MYCBPAP: variants seen among roughly 807,000 people sequenced by gnomAD.
MYCBPAP encodes the protein MYCBP-associated protein.
MYCBPAP carries 60 observed loss-of-function variants against 106.1 expected under a neutral mutation model. That is an observed-to-expected ratio of 0.57 (90% CI 0.46 to 0.70). MYCBPAP has a LOEUF of 0.70. Ranked by LOEUF, MYCBPAP falls within the 30% of genes least tolerant of loss-of-function variation. MYCBPAP has a pLI of 0.00. For synonymous variants in MYCBPAP, 407 were observed against 440.6 expected, an observed-to-expected ratio of 0.92 and a Z score of 0.95; for missense variants, 1,064 against 1,169.3, an observed-to-expected ratio of 0.91 and a Z score of 1.31.
At chr17:50,508,875 A>T (rs2033716619) in intron 1 of MYCBPAP, 125 bp downstream of exon 1, 3 of 915,886 alleles carry the variant, frequency 3.3e-6, no homozygotes, top group Non-Finnish European at 5.3e-6. Context: ...ATCACGGGGA[A>T]GTGGGGTACT....
upstream of MYCBPAP, chr17:50,508,211 A>C (rs1370447614): frequency 2.6e-5 from 7 of 266,440 alleles, no homozygotes; most frequent in Admixed American, 1.2e-4. Context: ...TAGTCGAGGA[A>C]GGCGGGAAGC....
chr17:50,528,866 G>C (rs761696632), intron 17 of MYCBPAP, 26 bp downstream of exon 17: 2 of 1,611,844 alleles, frequency 1.2e-6, no homozygotes, highest in South Asian at 2.2e-5. Flanking sequence ...GTCTGGGCCA[G>C]GTGGGGCTGG....
At chr17:50,510,973 T>C (rs1567879714) in intron 1 of MYCBPAP, among the ~76,000 whole-genome samples, 1 of 152,084 alleles carries the variant, frequency 6.6e-6, no homozygotes, top group Non-Finnish European at 1.5e-5. Context: ...AAGGAAAGAT[T>C]TTTCACTGCA....
chr17:50,514,915 C>A (rs528532661), intron 1 of MYCBPAP: 1 of 454,180 alleles, frequency 2.2e-6, no homozygotes, highest in Non-Finnish European at 4.4e-6. Flanking sequence ...TCTTGCAACT[C>A]TTAATCCATT....
At chr17:50,523,406 A>G (rs2034349159) in intron 11 of MYCBPAP, among the ~76,000 whole-genome samples, 191 bp from the exon 12 acceptor site, 1 of 152,152 alleles carries the variant, frequency 6.6e-6, no homozygotes, top group African/African-American at 2.4e-5. Flanking sequence ...TAGGATGGCC[A>G]GCTGTCTCTG....
Position 50,519,792 on chromosome 17 carries a change from G to A in MYCBPAP, c.916+5G>A. The A allele has an allele frequency of 1.9e-6, 3 of 1,612,982 alleles. No individual in the cohort carries two copies. The highest frequency in any genetic ancestry group is 2.5e-6 in the Non-Finnish European group (3 of 1,179,630). On this transcript the variant is annotated splice_donor_5th_base_variant and intron_variant, in intron 7 of 18. Transcript: ENST00000323776. ...ACTCCATCCGGGTGGAGACAGGTGA[G>A]GCGCAGGGCTGTAAGCCAGCTAGCA...
At chr17:50,530,364 A>C in intron 18 of MYCBPAP, 1 of 258,554 alleles carries the variant, frequency 3.9e-6, no homozygotes, top group East Asian at 1.2e-4. Flanking sequence ...GCATGGTGAC[A>C]CTCACCTGTA....
intron 1 of MYCBPAP, among the ~76,000 whole-genome samples, chr17:50,515,647 G>A (rs937558953): frequency 3.3e-5 from 5 of 152,114 alleles, no homozygotes; most frequent in African/African-American, 9.7e-5. Context: ...TCAGGAAGCT[G>A]TATTCATAAA....
Position 50,529,059 on chromosome 17 carries a change from GAA to G in MYCBPAP, c.2597_2598del (p.Lys866SerfsTer18). 1 of 1,614,190 alleles carries G rather than the reference GAA, an allele frequency of 6.2e-7. No individual in the cohort carries two copies. The highest frequency in any genetic ancestry group is 1.1e-5 in the South Asian group (1 of 91,090). The stretch of plus-strand genomic sequence containing the variant: ...AGAAGCACAAGGCAAAGGATGACAA[GAA>G]AGTCATAAAATCTGCAAGTCAGGAC... ...SKKHKAKDDK[K>X]VIKSASQDRF... On this transcript the variant is annotated frameshift_variant, in exon 18 of 19. Transcript: ENST00000323776. LOFTEE classifies it high-confidence loss of function.
intron 1 of MYCBPAP, chr17:50,509,536 C>CTGTG (rs71353648): frequency 0.05 from 7,556 of 151,016 alleles, 231 homozygotes; most frequent in East Asian, 0.092. Context: ...CTTTTTTTTT[C>CTGTG]TGTGTGTGTG....
Position 50,514,150 on chromosome 17 carries a change from A to C in MYCBPAP, c.77-2420A>C, listed in dbSNP as rs35714029. ...GCAATCCTCCCATCTCGGCCTCTCA[A>C]AGTGTTGGGATTACAAGCGTAAGCC... On this transcript the variant is annotated intron_variant, in intron 1 of 18. Transcript: ENST00000323776. 3.9e-3 allele frequency among the ~76,000 whole-genome samples: 590 copies of C among 152,268 alleles called. 1 individual carries two copies. Among genetic ancestry groups the C allele is most frequent in the Non-Finnish European group, 6.2e-3 (419 of 68,020 alleles).
intron 1 of MYCBPAP, chr17:50,509,536 CTG>C (rs71353648): frequency 0.15 from 23,161 of 150,894 alleles, 2,137 homozygotes; most frequent in Non-Finnish European, 0.19. Flanking sequence ...CTTTTTTTTT[CTG>C]TGTGTGTGTG....
chr17:50,508,118 T>G (rs1044396544), upstream of MYCBPAP, among the ~76,000 whole-genome samples: 1 of 144,624 alleles, frequency 6.9e-6, no homozygotes, highest in African/African-American at 2.7e-5. Flanking sequence ...ACGAAGGGGT[T>G]TCAGCACGTC....
Position 50,521,975 on chromosome 17 carries a change from G to A in MYCBPAP, c.1151G>A (p.Gly384Asp), listed in dbSNP as rs774889037. 1.2e-6 allele frequency: 2 copies of A among 1,612,630 alleles called. No homozygotes were observed. Among genetic ancestry groups the A allele is most frequent in the Non-Finnish European group, 1.7e-6 (2 of 1,178,790 alleles). Residue 384 changes from glycine to aspartate, a missense_variant and splice_region_variant, in exon 10 of 19, where the codon GGC becomes GAC. By Grantham distance (94) the Gly-to-Asp change is moderately conservative. Transcript: ENST00000323776. The part of the protein sequence containing the change: ...GSSSEDTAYL[G>D]TLASSSDVSM... ...TAAGTCATTGGCTTTTCTTACAGAG[G>A]CACATTGGCCAGTTCCTCTGATGTC...
At position 50,519,787 on chromosome 17, in the gene MYCBPAP, G is replaced by T; in HGVS notation, c.916G>T (p.Gly306Ter). 1 of 1,613,290 alleles carries T rather than the reference G, an allele frequency of 6.2e-7. No homozygotes were observed. ...RKPHSIRVET[G>*]LPAQRDASYR... is the part of the protein sequence containing the mutation. ...GCCCCACTCCATCCGGGTGGAGACA[G>T]GTGAGGCGCAGGGCTGTAAGCCAGC... is the stretch of plus-strand genomic sequence containing the variant. Residue 306 changes from glycine to a stop codon, truncating the protein, a stop_gained and splice_region_variant, in exon 7 of 19, where the codon GGA becomes TGA. Coordinates refer to ENST00000323776, the MANE Select transcript of MYCBPAP (RefSeq NM_032133.6). LOFTEE classifies it high-confidence loss of function.
chr17:50,521,186 G>A lies in MYCBPAP; in HGVS notation c.993G>A (p.Glu331=). The A allele has an allele frequency of 1.2e-6, 2 of 1,613,744 alleles. No individual in the cohort carries two copies. Among genetic ancestry groups the A allele is most frequent in the East Asian group, 2.2e-5 (1 of 44,874 alleles). The part of the protein sequence containing the change: ...RSLFLIYRRK[E]LQRIMEELDF... ...TGTTTCTGATCTACCGACGCAAGGA[G>A]CTGCAGAGAATCATGGAAGAGCTGG... The change falls in exon 8 of 19, where the codon GAG becomes GAA. Residue 331 remains glutamate (E), a synonymous_variant. Coordinates refer to ENST00000323776, the MANE Select transcript of MYCBPAP (RefSeq NM_032133.6).
At chr17:50,508,799 G>C (rs2033714229) in intron 1 of MYCBPAP, 49 bp downstream of exon 1, 1 of 1,525,572 alleles carries the variant, frequency 6.6e-7, no homozygotes, top group Admixed American at 1.8e-5. Context: ...GAGGGGAAGC[G>C]GTCCCCGGAA....
Position 50,528,761 on chromosome 17 carries a change from A to G in MYCBPAP, c.2474A>G (p.Lys825Arg). The change falls in exon 17 of 19, where the codon AAA (lysine) becomes AGA (arginine). Residue 825 changes from lysine to arginine, a missense_variant. By Grantham distance (26) the Lys-to-Arg change is conservative (BLOSUM62 2). Coordinates refer to ENST00000323776, the MANE Select transcript of MYCBPAP (RefSeq NM_032133.6). ...GGGAAAGCTGGGAAGGAGGAGCGGAAAGGAGCAGCCCAGGAAAAGAAGCAA... is the reference window on the plus strand; with the variant it reads ...GGGAAAGCTGGGAAGGAGGAGCGGAGAGGAGCAGCCCAGGAAAAGAAGCAA... ...PVGKAGKEERKGAAQEKKQLG... is the reference protein window; with the variant it reads ...PVGKAGKEERRGAAQEKKQLG... 6.2e-7 allele frequency: 1 copy of G among 1,614,134 alleles called. No individual in the cohort carries two copies.
chr17:50,519,479 G>A (rs1157334820), intron 6 of MYCBPAP, 161 bp from the exon 7 acceptor site: 2 of 874,238 alleles, frequency 2.3e-6, no homozygotes, highest in Non-Finnish European at 3.5e-6. Flanking sequence ...AGGGTGTCCA[G>A]AAAACACGGC....
Sources: allele counts gnomAD v4.1 joint callset (sites outside exome capture counted in the v4.1 genomes callset), GRCh38; gene constraint gnomAD v4.1.1; transcripts MANE v1.5; gene names NCBI Gene and HGNC (gene_info 2026-07-23, HGNC 2026-07-21).